Variants in TAS2R1 observed in about 807,000 individuals in gnomAD.
The protein encoded by TAS2R1 is taste receptor type 2 member 1.
For missense variants in TAS2R1, 370 were observed against 353.4 expected (o/e 1.05, Z -0.38); for synonymous variants, 141 against 134.2 (o/e 1.05, Z -0.35).
At chr5:9,787,366 T>C in the TAS2R1 span, among the ~76,000 whole-genome samples, 1 of 152,208 alleles carries the variant, frequency 6.6e-6, no homozygotes, top group Non-Finnish European at 1.5e-5. Context: ...CCATCTAATA[T>C]GGTGTTTAAA....
the TAS2R1 span, among the ~76,000 whole-genome samples, chr5:9,720,910 T>C: frequency 6.6e-6 from 1 of 152,202 alleles, no homozygotes; most frequent in Non-Finnish European, 1.5e-5. Context: ...CCATTTCTCT[T>C]GTCACATTCC....
chr5:9,694,200 T>C (rs1030663593), intron 1 of TAS2R1, among the ~76,000 whole-genome samples: 12 of 152,184 alleles, frequency 7.9e-5, no homozygotes, highest in Non-Finnish European at 1.6e-4. Flanking sequence ...CAAAAATGTT[T>C]GCAGCTGTTG....
chr5:9,773,183 GT>G, the TAS2R1 span, among the ~76,000 whole-genome samples: 2 of 151,554 alleles, frequency 1.3e-5, no homozygotes, highest in Non-Finnish European at 2.9e-5. Flanking sequence ...TCTGTCATAT[GT>G]TTTTTGATTT....
intron 2 of TAS2R1, among the ~76,000 whole-genome samples, chr5:9,645,833 A>C (rs1369854718): frequency 6.6e-6 from 1 of 152,158 alleles, no homozygotes; most frequent in Non-Finnish European, 1.5e-5. Context: ...CCCAGAAAAG[A>C]GAAAGCAAGA....
chr5:9,790,532 C>T, the TAS2R1 span, among the ~76,000 whole-genome samples: 1 of 152,190 alleles, frequency 6.6e-6, no homozygotes, highest in East Asian at 1.9e-4. Flanking sequence ...ATGCATCTCA[C>T]TTGCACATGT....
chr5:9,782,984 C>T, the TAS2R1 span, among the ~76,000 whole-genome samples: 1 of 152,148 alleles, frequency 6.6e-6, no homozygotes, highest in Non-Finnish European at 1.5e-5. Flanking sequence ...GTGGGTGTTG[C>T]TGAAGTTGAC....
the TAS2R1 span, among the ~76,000 whole-genome samples, chr5:9,900,771 C>A: frequency 6.6e-6 from 1 of 152,122 alleles, no homozygotes; most frequent in Non-Finnish European, 1.5e-5. Flanking sequence ...CAGGCACCTG[C>A]CACCATGCCC....
chr5:9,836,697 G>T, the TAS2R1 span, among the ~76,000 whole-genome samples: 14 of 152,152 alleles, frequency 9.2e-5, no homozygotes, highest in Non-Finnish European at 1.6e-4. Context: ...TTTCCTGATG[G>T]TTAGTGATAA....
chr5:9,709,511 CT>C (rs1416386039), intron 1 of TAS2R1, among the ~76,000 whole-genome samples: 4 of 152,208 alleles, frequency 2.6e-5, no homozygotes, highest in Admixed American at 2.6e-4. Flanking sequence ...TCCCCTCCCA[CT>C]GGTTGGGTGT....
At chr5:9,746,522 C>T in the TAS2R1 span, among the ~76,000 whole-genome samples, 2 of 152,064 alleles carry the variant, frequency 1.3e-5, no homozygotes, top group Non-Finnish European at 2.9e-5. Flanking sequence ...AACCCAAATG[C>T]CCATCAATGA....
intron 1 of TAS2R1, among the ~76,000 whole-genome samples, chr5:9,662,389 T>C (rs1322668893): frequency 6.6e-6 from 1 of 152,198 alleles, no homozygotes; most frequent in Non-Finnish European, 1.5e-5. Flanking sequence ...TGATGGATGA[T>C]TCTGCCACGC....
chr5:9,689,396 G>A (rs1377776163), intron 1 of TAS2R1, among the ~76,000 whole-genome samples: 2 of 152,142 alleles, frequency 1.3e-5, no homozygotes, highest in Non-Finnish European at 2.9e-5. Context: ...TTCCGCCCCA[G>A]ACCTACTAAA....
At chr5:9,639,303 C>T (rs756843383) in intron 2 of TAS2R1, among the ~76,000 whole-genome samples, 19 of 152,156 alleles carry the variant, frequency 1.2e-4, no homozygotes, top group Non-Finnish European at 2.2e-4. Flanking sequence ...AGGTACTACC[C>T]GCTGCTACTT....
chr5:9,639,705 G>T lies in TAS2R1; in HGVS notation c.-80-9713C>A, dbSNP rs373120243. Among the ~76,000 whole-genome samples the T allele has an allele frequency of 2.3e-4, 35 of 152,294 alleles. No individual in the cohort carries two copies. In the East Asian group the frequency reaches 4.6e-3, roughly 20 times the overall value. On this transcript the variant is annotated intron_variant, in intron 2 of 2. Transcript: ENST00000506620. Reference sequence around the variant, plus strand: ...TGCTGCAGCTTCTACATAAGCACTTGCTGCTTTACCTTGTACTTTTATGTT... The same window carrying T: ...TGCTGCAGCTTCTACATAAGCACTTTCTGCTTTACCTTGTACTTTTATGTT...
At chr5:9,731,309 G>T in the TAS2R1 span, among the ~76,000 whole-genome samples, 2 of 151,818 alleles carry the variant, frequency 1.3e-5, no homozygotes, top group African/African-American at 2.4e-5. Context: ...CCCTCCCACC[G>T]GCATCTGTCC....
the TAS2R1 span, among the ~76,000 whole-genome samples, chr5:9,732,744 C>T: frequency 7.2e-5 from 11 of 152,230 alleles, no homozygotes; most frequent in South Asian, 2.3e-3. Context: ...GCTTCCATAT[C>T]GGTCAGGGTT....
At chr5:9,768,235 G>A in the TAS2R1 span, among the ~76,000 whole-genome samples, 2 of 152,114 alleles carry the variant, frequency 1.3e-5, no homozygotes, top group African/African-American at 4.8e-5. Context: ...TGTCCTTCAG[G>A]TCTCAGCCCA....
the TAS2R1 span, among the ~76,000 whole-genome samples, chr5:9,891,345 T>G: frequency 3.3e-5 from 5 of 152,230 alleles, no homozygotes; most frequent in Non-Finnish European, 7.3e-5. Flanking sequence ...AAAAAAATTT[T>G]CATAAAAAGA....
intron 1 of TAS2R1, chr5:9,712,030 GGGA>G: frequency 1.6e-5 from 1 of 61,730 alleles, no homozygotes; most frequent in African/African-American, 8.9e-5. Flanking sequence ...AAGGAAGGAA[GGGA>G]GGGAGGGAGG....
Sources: gnomAD v4.1 joint callset for allele counts (sites outside exome capture counted in the v4.1 genomes callset) on GRCh38, gnomAD v4.1.1 for gene constraint, MANE v1.5 for transcripts, NCBI Gene and HGNC (gene_info 2026-07-23, HGNC 2026-07-21) for gene names.